CORO7: variants seen among roughly 807,000 people sequenced by gnomAD.
CORO7 encodes the protein coronin 7, also known as coronin-7.
In CORO7, 107 loss-of-function variants were observed where a neutral mutation model predicts 126.6. That is an observed-to-expected ratio of 0.85 (90% confidence interval 0.72 to 0.99). The LOEUF (loss-of-function observed/expected upper bound fraction) is 0.99. Ranked by LOEUF, CORO7 falls within the 50% of genes least tolerant of loss-of-function variation. The pLI, the probability that CORO7 is intolerant of heterozygous loss-of-function variation, is 0.00. For synonymous variants in CORO7, 603 were observed against 536.8 expected (o/e 1.12, Z -1.70); for missense variants, 1,314 against 1,255.8 (o/e 1.05, Z -0.70).
rs2056245569 is a variant in CORO7 at position 4,412,400 on chromosome 16, T to A, written c.188A>T (p.Gln63Leu). The A allele has an allele frequency of 6.2e-7, 1 of 1,614,210 alleles. No homozygotes were observed. The change falls in exon 3 of 28, where the codon CAA (glutamine) becomes CTA (leucine). Residue 63 changes from glutamine (Q) to leucine (L), a missense_variant. Coordinates refer to ENST00000251166, the MANE Select transcript of CORO7 (RefSeq NM_024535.5). ...GVLGIVPLQG[Q>L]GEDKRRVAHL... The stretch of plus-strand genomic sequence containing the variant: ...GGCCACGCGTCGCTTGTCCTCTCCT[T>A]GGCCTTGCAGAGGCACAATGCCCAG...
At chr16:4,411,221 T>C (rs571431708) in intron 3 of CORO7, among the ~76,000 whole-genome samples, 1 of 152,056 alleles carries the variant, frequency 6.6e-6, no homozygotes, top group African/African-American at 2.4e-5. Context: ...AAGACCCCAT[T>C]TTACAAAAAA....
intron 19 of CORO7, 53 bp downstream of exon 19, chr16:4,360,884 CTCCACA>C (rs2054155017): frequency 7.8e-5 from 27 of 344,308 alleles, no homozygotes; most frequent in Non-Finnish European, 1.2e-4. Flanking sequence ...GGCCCCACCT[CTCCACA>C]CTGCTGGCCC....
chr16:4,371,823 A>C (rs1377315864), intron 9 of CORO7: 8 of 151,920 alleles, frequency 5.3e-5, no homozygotes. Flanking sequence ...GGGACTCTTA[A>C]GGCGCGACCT....
At chr16:4,355,992 T>A (rs959280529) in intron 26 of CORO7, among the ~76,000 whole-genome samples, 5 of 152,020 alleles carry the variant, frequency 3.3e-5, no homozygotes, top group Non-Finnish European at 7.4e-5. Context: ...TTGTTCTTGT[T>A]GCCTAGGCTG....
intron 6 of CORO7, among the ~76,000 whole-genome samples, chr16:4,401,569 G>C (rs1324800102): frequency 6.6e-6 from 1 of 152,208 alleles, no homozygotes; most frequent in Non-Finnish European, 1.5e-5. Flanking sequence ...AGAGGAGGAT[G>C]AGAGACAGAA....
intron 9 of CORO7, chr16:4,381,739 C>T (rs1177532076): frequency 1.2e-6 from 2 of 1,605,144 alleles, no homozygotes; most frequent in South Asian, 2.2e-5. Context: ...GGGCCTCTTC[C>T]CCCGCCTGCG....
chr16:4,387,179 C>T (rs1037658711), intron 9 of CORO7, among the ~76,000 whole-genome samples: 1 of 151,910 alleles, frequency 6.6e-6, no homozygotes, highest in African/African-American at 2.4e-5. Flanking sequence ...CTCTGAACAC[C>T]CCCCCCAGCC....
At position 4,364,923 on chromosome 16, in the gene CORO7, G is replaced by C; in HGVS notation, c.899-3C>G. 1 of 1,608,172 alleles carries C rather than the reference G, an allele frequency of 6.2e-7. No individual in the cohort carries two copies. On this transcript the variant is annotated splice_region_variant and splice_polypyrimidine_tract_variant and intron_variant, in intron 11 of 27. Coordinates refer to ENST00000251166, the MANE Select transcript of CORO7 (RefSeq NM_024535.5). The stretch of plus-strand genomic sequence containing the variant: ...GCTCTCCAGGACACACTGGGTCACT[G>C]TTGAGGACACCATAGGGGAACAGGC...
Position 4,412,500 on chromosome 16 carries a change from C to G in CORO7, c.158-70G>C, listed in dbSNP as rs957412782. On this transcript the variant is annotated intron_variant, in intron 2 of 27. Coordinates refer to ENST00000251166, the MANE Select transcript of CORO7 (RefSeq NM_024535.5). ...CACCCACCTCCTTGCCCAGGGATCC[C>G]AGAGATGAAATCCAGCAGCTCAGCC... 2.6e-6 allele frequency: 4 copies of G among 1,554,574 alleles called. No homozygotes were observed. In the Admixed American group the frequency reaches 6.9e-5, roughly 27 times the overall value.
chr16:4,357,874 G>A, intron 25 of CORO7, 94 bp downstream of exon 25: 1 of 1,518,784 alleles, frequency 6.6e-7, no homozygotes, highest in East Asian at 2.3e-5. Flanking sequence ...AGAGGATTCT[G>A]CGTGCCAACA....
chr16:4,408,127 G>A, intron 4 of CORO7, 54 bp downstream of exon 4: 1 of 1,612,944 alleles, frequency 6.2e-7, no homozygotes, highest in African/African-American at 1.3e-5. Context: ...GGCTCAGAAG[G>A]CCCTGGACTA....
Position 4,361,400 on chromosome 16 carries a change from G to C in CORO7, c.1648C>G (p.Leu550Val). The change falls in exon 17 of 28, where the codon CTG becomes GTG. Residue 550 changes from leucine (L) to valine (V), a missense_variant. Leu to Val is a conservative substitution (Grantham distance 32). Transcript: ENST00000251166. ...TGGGGGTCAAAGGGGTCCCAGGCCA[G>C]ATCAGTCACAGCTGCCCCATTCTGC... ...TLQNGAAVTD[L>V]AWDPFDPHRL... 2 of 1,611,900 alleles carry C rather than the reference G, an allele frequency of 1.2e-6. No individual in the cohort carries two copies. The highest frequency in any genetic ancestry group is 1.3e-5 in the African/African-American group (1 of 74,990).
chr16:4,365,665 A>G, intron 9 of CORO7, 120 bp from the exon 10 acceptor site: 1 of 1,352,442 alleles, frequency 7.4e-7, no homozygotes, highest in Non-Finnish European at 1.0e-6. Flanking sequence ...CCATCCAGCC[A>G]TGTTCAGCCT....
chr16:4,355,537 C>G (rs111322498), intron 26 of CORO7, 165 bp from the exon 27 acceptor site: 1 of 699,098 alleles, frequency 1.4e-6, no homozygotes, highest in African/African-American at 1.8e-5. Flanking sequence ...GGCGCGATCT[C>G]GGCTCACTGC....
At chr16:4,361,336 A>C (rs1378578473) in intron 17 of CORO7, 25 bp downstream of exon 17, 1 of 1,611,072 alleles carries the variant, frequency 6.2e-7, no homozygotes, top group Admixed American at 1.7e-5. Flanking sequence ...ACCCTCCCTC[A>C]AGCCCAGGCA....
At chr16:4,415,269 G>T (rs961284015) in intron 1 of CORO7, among the ~76,000 whole-genome samples, 1 of 152,072 alleles carries the variant, frequency 6.6e-6, no homozygotes, top group African/African-American at 2.4e-5. Flanking sequence ...TACTGCTCCG[G>T]CCATCCCCTC....
At chr16:4,356,284 G>C in intron 26 of CORO7, 1 of 151,930 alleles carries the variant, frequency 6.6e-6, no homozygotes, top group East Asian at 1.9e-4. Context: ...TTTTTTTGTA[G>C]AGATGGGGTT....
intron 9 of CORO7, among the ~76,000 whole-genome samples, chr16:4,369,292 G>C (rs2054444203): frequency 6.6e-6 from 1 of 152,292 alleles, no homozygotes; most frequent in Admixed American, 6.5e-5. Flanking sequence ...GCCAAGTGTT[G>C]GCATGGGCCT....
intron 7 of CORO7, among the ~76,000 whole-genome samples, chr16:4,392,346 G>T (rs1214122579): frequency 6.6e-6 from 1 of 152,164 alleles, no homozygotes; most frequent in African/African-American, 2.4e-5. Flanking sequence ...AGAAGCCACA[G>T]AACCATCCGA....
Sources: gnomAD v4.1 joint callset for allele counts (sites outside exome capture counted in the v4.1 genomes callset) on GRCh38, gnomAD v4.1.1 for gene constraint, MANE v1.5 for transcripts, NCBI Gene and HGNC (gene_info 2026-07-23, HGNC 2026-07-21) for gene names.